The following UNC5C variants were observed in gnomAD, a reference collection of about 807,000 sequenced individuals.
UNC5C encodes the protein unc-5 netrin receptor C.
In UNC5C, 47 loss-of-function variants were observed where a neutral mutation model predicts 99.8. The ratio of observed to expected loss-of-function variants is 0.47; its 90% CI spans 0.37 to 0.60. The LOEUF is 0.60. Among genes scored for constraint, UNC5C ranks in the 20% least tolerant of loss-of-function variants. The pLI is 0.00. For synonymous variants in UNC5C, 487 were observed against 452.2 expected (o/e 1.08, Z -0.98); for missense variants, 1,062 against 1,165.9 (o/e 0.91, Z 1.30).
chr4:95,191,005 A>T (rs1737065782), intron 12 of UNC5C, among the ~76,000 whole-genome samples: 1 of 152,232 alleles, frequency 6.6e-6, no homozygotes, highest in Non-Finnish European at 1.5e-5. Flanking sequence ...CTTAAGAGCC[A>T]CAATAAATCC....
intron 3 of UNC5C, among the ~76,000 whole-genome samples, chr4:95,297,074 T>C (rs1308128965): frequency 2.6e-5 from 4 of 152,114 alleles, no homozygotes; most frequent in African/African-American, 9.7e-5. Flanking sequence ...CACTGACTAG[T>C]CTATGTAGGG....
At chr4:95,363,281 G>A (rs139196392) in intron 1 of UNC5C, among the ~76,000 whole-genome samples, 135 of 152,250 alleles carry the variant, frequency 8.9e-4, no homozygotes, top group African/African-American at 3.2e-3. Flanking sequence ...GCTATCATTT[G>A]TTAGTGATCA....
chr4:95,251,027 A>G (rs879087894), intron 4 of UNC5C, among the ~76,000 whole-genome samples: 38 of 152,340 alleles, frequency 2.5e-4, no homozygotes, highest in Middle Eastern at 3.4e-3. Context: ...AAAAAATAAT[A>G]GGATAAGCGT....
chr4:95,321,635 G>C (rs746522553), intron 2 of UNC5C, among the ~76,000 whole-genome samples: 1 of 152,136 alleles, frequency 6.6e-6, no homozygotes, highest in Non-Finnish European at 1.5e-5. Context: ...GAACTATATA[G>C]TTCAGTATCC....
chr4:95,519,548 A>G (rs1472334081), intron 1 of UNC5C, among the ~76,000 whole-genome samples: 2 of 151,786 alleles, frequency 1.3e-5, no homozygotes, highest in Non-Finnish European at 2.9e-5. Context: ...AAAAAAAAAA[A>G]CAAACTTTTC....
chr4:95,543,468 T>A (rs115790177), intron 1 of UNC5C, among the ~76,000 whole-genome samples: 1 of 152,218 alleles, frequency 6.6e-6, no homozygotes, highest in Non-Finnish European at 1.5e-5. Flanking sequence ...AAACTTCCTA[T>A]TGCAAATATA....
chr4:95,169,268 G>A lies in UNC5C; in HGVS notation c.2762C>T (p.Thr921Met), dbSNP rs749000531. 1.4e-5 allele frequency: 23 copies of A among 1,613,960 alleles called. 1 individual carries two copies. Among genetic ancestry groups the A allele is most frequent in the South Asian group, 4.4e-5 (4 of 91,084 alleles). The change falls in exon 16 of 16, where the codon ACG becomes ATG. Residue 921 changes from threonine (T) to methionine (M), a missense_variant. Coordinates refer to ENST00000453304, the MANE Select transcript of UNC5C (RefSeq NM_003728.4). ...CCCTTCTGCTGCTAAGGACACCACC[G>A]TTTCATGTCTTCCCATTTCTTCCAA... The part of the protein sequence containing the change: ...AVLEEMGRHE[T>M]VVSLAAEGQY
intron 4 of UNC5C, among the ~76,000 whole-genome samples, chr4:95,269,756 A>G (rs571848477): frequency 6.6e-6 from 1 of 151,784 alleles, no homozygotes; most frequent in South Asian, 2.1e-4. Flanking sequence ...CTTGTTGCCC[A>G]GGCTGGAGTA....
intron 9 of UNC5C, among the ~76,000 whole-genome samples, chr4:95,217,354 G>A (rs548240871): frequency 3.9e-4 from 59 of 152,310 alleles, no homozygotes; most frequent in African/African-American, 1.4e-3. Context: ...GACCTCTTGA[G>A]AAGGAGAGTA....
chr4:95,496,215 T>C (rs1412910055), intron 1 of UNC5C, among the ~76,000 whole-genome samples: 1 of 151,828 alleles, frequency 6.6e-6, no homozygotes, highest in African/African-American at 2.4e-5. Flanking sequence ...TTTAGCTCTT[T>C]TCTGACTTTC....
At chr4:95,279,576 A>G (rs1383823444) in intron 3 of UNC5C, among the ~76,000 whole-genome samples, 1 of 152,242 alleles carries the variant, frequency 6.6e-6, no homozygotes, top group East Asian at 1.9e-4. Flanking sequence ...TAGAACTTTG[A>G]AGCAGCATTT....
intron 1 of UNC5C, among the ~76,000 whole-genome samples, chr4:95,412,384 C>T (rs934974766): frequency 1.3e-5 from 2 of 152,188 alleles, no homozygotes; most frequent in Admixed American, 6.5e-5. Context: ...TTCCAAGGAC[C>T]CTGCTTTTCT....
In UNC5C at chr4:95,164,687, C is replaced by T. The variant is rs1256719795; in HGVS notation, c.*4547G>A. The T allele has an allele frequency of 6.6e-6, 1 of 152,188 alleles. No individual in the cohort carries two copies. Among genetic ancestry groups the T allele is most frequent in the East Asian group, 1.9e-4 (1 of 5,198 alleles). The allele number at this position is 152,188 out of a possible 1,614,324, so 9.4% of individuals were successfully genotyped here. The stretch of plus-strand genomic sequence containing the variant: ...GATGTACTGCTTCACAAAAGCTCTT[C>T]CATTCTCAAAGAAGATGGATAAAGT... On this transcript the variant is annotated 3_prime_UTR_variant, in exon 16 of 16. Transcript: ENST00000453304.
intron 6 of UNC5C, 117 bp downstream of exon 6, chr4:95,244,860 A>G (rs1254199276): frequency 7.3e-7 from 1 of 1,366,980 alleles, no homozygotes; most frequent in African/African-American, 1.5e-5. Context: ...AGTAGGATGG[A>G]TTTAAATAAC....
chr4:95,363,412 T>C (rs545290474), intron 1 of UNC5C, among the ~76,000 whole-genome samples: 41 of 152,244 alleles, frequency 2.7e-4, no homozygotes, highest in Admixed American at 5.9e-4. Flanking sequence ...GCAAAACAAG[T>C]GGAGATTTTA....
At chr4:95,199,016 C>T (rs1018514960) in intron 12 of UNC5C, among the ~76,000 whole-genome samples, 1 of 151,918 alleles carries the variant, frequency 6.6e-6, no homozygotes, top group African/African-American at 2.4e-5. Context: ...GGAGTGAGGC[C>T]CTGGAGTGGG....
chr4:95,292,214 T>C (rs10021147), intron 3 of UNC5C, among the ~76,000 whole-genome samples: 10,640 of 106,860 alleles, frequency 0.1, 1,151 homozygotes, highest in African/African-American at 0.33. Flanking sequence ...TATACATATA[T>C]ATACACACAC....
intron 1 of UNC5C, among the ~76,000 whole-genome samples, chr4:95,504,209 T>C (rs1175248239): frequency 6.6e-6 from 1 of 152,140 alleles, no homozygotes; most frequent in Non-Finnish European, 1.5e-5. Flanking sequence ...CTCCAGTTTT[T>C]GGCAAATGTA....
chr4:95,299,624 T>G (rs944786526), intron 3 of UNC5C, among the ~76,000 whole-genome samples: 6 of 152,172 alleles, frequency 3.9e-5, no homozygotes, highest in Admixed American at 1.3e-4. Context: ...TCCACAGGGC[T>G]GCGGAGGCCT....
Sources: gnomAD v4.1 joint callset for allele counts (sites outside exome capture counted in the v4.1 genomes callset) on GRCh38, gnomAD v4.1.1 for gene constraint, MANE v1.5 for transcripts, NCBI Gene and HGNC (gene_info 2026-07-23, HGNC 2026-07-21) for gene names.